Variants in PTBP2 observed in about 807,000 individuals in gnomAD.
PTBP2 encodes polypyrimidine tract-binding protein 2.
A neutral mutation model predicts 61.4 loss-of-function variants in PTBP2; 13 were observed. The observed-to-expected ratio is 0.21, with a 90% CI of 0.14 to 0.34. The LOEUF (loss-of-function observed/expected upper bound fraction) is 0.34, where lower values mean the gene tolerates loss of function less well. PTBP2 is among the 10% of genes least tolerant of loss of function. PTBP2 has a pLI of 1.00. For synonymous variants in PTBP2, 215 were observed against 218.5 expected (o/e 0.98, Z 0.14); for missense variants, 405 against 642.6 (o/e 0.63, Z 4.00).
chr1:96,750,077 A>G (rs561542235), intron 2 of PTBP2, among the ~76,000 whole-genome samples: 1 of 151,930 alleles, frequency 6.6e-6, no homozygotes, highest in African/African-American at 2.4e-5. Flanking sequence ...TTTTTTTTTA[A>G]ACCTGGGGTT....
chr1:96,769,628 T>G, intron 3 of PTBP2, 75 bp from the exon 4 acceptor site: 1 of 1,146,612 alleles, frequency 8.7e-7, no homozygotes, highest in Non-Finnish European at 1.2e-6. Context: ...AATTTGTAGT[T>G]TTTTTACACA....
intron 2 of PTBP2, among the ~76,000 whole-genome samples, chr1:96,736,009 A>C (rs1652113896): frequency 6.6e-6 from 1 of 152,238 alleles, no homozygotes; most frequent in Non-Finnish European, 1.5e-5. Context: ...GAAAGTCCTA[A>C]TATGCTTCAT....
intron 2 of PTBP2, chr1:96,749,548 T>C (rs1390255360): frequency 2.3e-6 from 1 of 425,684 alleles, no homozygotes; most frequent in East Asian, 7.2e-5. Context: ...GATCTGGACT[T>C]CTGTGGATTT....
rs1654553229 is a variant in PTBP2 at position 96,751,597 on chromosome 1, T to G, written c.115+97T>G. ...CCTGTTATACCAGGAAAGCCTTTCT[T>G]TTTAAATGCGTGTTGAAACATTTTA... On this transcript the variant is annotated intron_variant, in intron 3 of 13. Coordinates refer to ENST00000674951, the MANE Select transcript of PTBP2 (RefSeq NM_021190.4). 3 of 838,374 alleles carry G rather than the reference T, an allele frequency of 3.6e-6. No homozygotes were observed. In the East Asian group the frequency reaches 7.9e-5, roughly 22 times the overall value. The allele number at this position is 838,374 out of a possible 1,614,324, so 51.9% of individuals were successfully genotyped here.
intron 11 of PTBP2, among the ~76,000 whole-genome samples, chr1:96,808,815 A>G (rs547199990): frequency 8.3e-6 from 1 of 121,086 alleles, no homozygotes; most frequent in African/African-American, 2.6e-5. Flanking sequence ...ACACAAACAC[A>G]CACACACACA....
intron 3 of PTBP2, among the ~76,000 whole-genome samples, chr1:96,765,771 G>C (rs889866733): frequency 4.0e-5 from 6 of 151,296 alleles, no homozygotes; most frequent in Non-Finnish European, 8.8e-5. Flanking sequence ...CAGTGCTAGA[G>C]TGTTTATATT....
rs773543071 is a variant in PTBP2 at position 96,777,971 on chromosome 1, A to T, written c.708+25A>T. 30 of 1,292,036 alleles carry T rather than the reference A, an allele frequency of 2.3e-5. 1 individual carries two copies. The African/African-American group carries it at 3.3e-4, about 14-fold the overall frequency. The allele number at this position is 1,292,036 out of a possible 1,614,324, so 80.0% of individuals were successfully genotyped here. Reference sequence around the variant, plus strand: ...AGTAAGTCTTTCTTTTGAGATGGTGATTTTTTTTTATTGAAATGTATATGT... The same window carrying T: ...AGTAAGTCTTTCTTTTGAGATGGTGTTTTTTTTTTATTGAAATGTATATGT... On this transcript the variant is annotated intron_variant, in intron 7 of 13. Transcript: ENST00000674951.
downstream of PTBP2, chr1:96,816,364 T>C (rs1662482008): frequency 6.6e-6 from 1 of 151,512 alleles, no homozygotes; most frequent in Admixed American, 6.6e-5. Flanking sequence ...ATTAGTACTC[T>C]ATGACTCTTA....
chr1:96,795,577 T>C (rs1557763692), intron 8 of PTBP2, among the ~76,000 whole-genome samples: 2 of 152,248 alleles, frequency 1.3e-5, no homozygotes, highest in East Asian at 1.9e-4. Context: ...ATTTATGTTA[T>C]AGATAAGATA....
chr1:96,764,096 T>G (rs1656376150), intron 3 of PTBP2, among the ~76,000 whole-genome samples: 2 of 152,228 alleles, frequency 1.3e-5, no homozygotes, highest in Admixed American at 1.3e-4. Flanking sequence ...TAGAATTGTT[T>G]CCTAAGGCAT....
Position 96,762,848 on chromosome 1 carries a change from C to T in PTBP2, c.116-6855C>T, listed in dbSNP as rs939063439. Among the ~76,000 whole-genome samples, 5 of 151,650 alleles carry T rather than the reference C, an allele frequency of 3.3e-5. No individual in the cohort carries two copies. The South Asian group carries it at 1.0e-3, about 32-fold the overall frequency. ...GGGGCGGCTGCTGGGCGGAGGGACT[C>T]CTCGCTTCTCAGATGGGGCGGCCGG... On this transcript the variant is annotated intron_variant, in intron 3 of 13. Transcript: ENST00000674951.
At chr1:96,729,373 A>G (rs1337445407) in intron 2 of PTBP2, among the ~76,000 whole-genome samples, 1 of 152,140 alleles carries the variant, frequency 6.6e-6, no homozygotes, top group Non-Finnish European at 1.5e-5. Flanking sequence ...GTTTTTAAAT[A>G]GTTTTCTTTC....
At chr1:96,726,210 G>A (rs950696037) in intron 2 of PTBP2, among the ~76,000 whole-genome samples, 23 of 147,462 alleles carry the variant, frequency 1.6e-4, no homozygotes, top group African/African-American at 5.7e-4. Context: ...TTATATATTA[G>A]CACACATATA....
intron 8 of PTBP2, among the ~76,000 whole-genome samples, chr1:96,803,864 TAAAA>T (rs1230683930): frequency 6.6e-6 from 1 of 152,132 alleles, no homozygotes; most frequent in Non-Finnish European, 1.5e-5. Flanking sequence ...GTTGGGAAGA[TAAAA>T]AAGAACATAT....
At chr1:96,774,471 A>G (rs78171980) in intron 5 of PTBP2, among the ~76,000 whole-genome samples, 12,440 of 152,202 alleles carry the variant, frequency 0.082, 568 homozygotes, top group African/African-American at 0.1. Flanking sequence ...TTTATTTTAT[A>G]TTCATTCACT....
intron 3 of PTBP2, among the ~76,000 whole-genome samples, chr1:96,763,209 T>C (rs1347063586): frequency 6.6e-6 from 1 of 151,962 alleles, no homozygotes; most frequent in Admixed American, 6.6e-5. Flanking sequence ...CTCGGCACTT[T>C]GGGAGGCCAA....
intron 7 of PTBP2, among the ~76,000 whole-genome samples, chr1:96,779,375 A>G (rs1048953744): frequency 6.6e-6 from 1 of 152,118 alleles, no homozygotes; most frequent in African/African-American, 2.4e-5. Context: ...CTGACCCCAA[A>G]GAAAAGTATT....
intron 2 of PTBP2, among the ~76,000 whole-genome samples, chr1:96,731,040 C>A (rs1171373219): frequency 6.6e-6 from 1 of 152,054 alleles, no homozygotes; most frequent in African/African-American, 2.4e-5. Context: ...ATGGTCTCAG[C>A]AGTTGTAGAT....
chr1:96,803,103 A>G (rs753597610), intron 8 of PTBP2, among the ~76,000 whole-genome samples: 15 of 152,180 alleles, frequency 9.9e-5, no homozygotes, highest in Non-Finnish European at 1.9e-4. Flanking sequence ...AGTATTTAAC[A>G]TGGAAAAGTT....
Sources: allele counts gnomAD v4.1 joint callset (sites outside exome capture counted in the v4.1 genomes callset), GRCh38; gene constraint gnomAD v4.1.1; transcripts MANE v1.5; gene names NCBI Gene and HGNC (gene_info 2026-07-23, HGNC 2026-07-21).